PEX5L: variants seen among roughly 807,000 people sequenced by gnomAD.
The protein encoded by PEX5L is peroxisomal biogenesis factor 5 like.
In PEX5L, 30 loss-of-function variants were observed where a neutral mutation model predicts 84.0. The observed-to-expected ratio is 0.36, with a 90% CI of 0.27 to 0.48. PEX5L has a LOEUF of 0.48. Among genes scored for constraint, PEX5L ranks in the 20% least tolerant of loss-of-function variants. PEX5L has a pLI of 0.99. For synonymous variants in PEX5L, 270 were observed against 283.1 expected (o/e 0.95, Z 0.46); for missense variants, 533 against 754.6 (o/e 0.71, Z 3.44).
At chr3:179,807,622 C>T (rs1721874378) in intron 14 of PEX5L, 52 bp downstream of exon 14, 20 of 1,544,428 alleles carry the variant, frequency 1.3e-5, no homozygotes, top group Admixed American at 1.8e-5. Context: ...TCAGATTATT[C>T]GACCTCAGTC....
chr3:179,885,027 TATA>T (rs1755358895), intron 4 of PEX5L, among the ~76,000 whole-genome samples: 1 of 151,956 alleles, frequency 6.6e-6, no homozygotes, highest in African/African-American at 2.4e-5. Flanking sequence ...ATTAAAAATA[TATA>T]ATATTTTTGC....
At chr3:179,821,166 T>A (rs983933688) in intron 8 of PEX5L, among the ~76,000 whole-genome samples, 1 of 152,188 alleles carries the variant, frequency 6.6e-6, no homozygotes, top group East Asian at 1.9e-4. Context: ...CCTTCCATAT[T>A]TCATATTTCA....
chr3:179,917,510 C>T (rs1767632894), intron 2 of PEX5L, among the ~76,000 whole-genome samples: 1 of 152,186 alleles, frequency 6.6e-6, no homozygotes, highest in South Asian at 2.1e-4. Flanking sequence ...AATTTGTCTT[C>T]ACCGGCATCA....
rs1232599251 is a variant in PEX5L at position 179,870,304 on chromosome 3, C to T, written c.726+4023G>A. Among the ~76,000 whole-genome samples the T allele has an allele frequency of 5.9e-5, 9 of 152,096 alleles. No homozygotes were observed. The East Asian group carries it at 1.7e-3, about 29-fold the overall frequency. On this transcript the variant is annotated intron_variant, in intron 7 of 14. Transcript: ENST00000467460. ...GAATTCCAGCAACCAGTTTGAAGAC[C>T]CCCACAGATGAATGGGATCAGCATG... is the stretch of plus-strand genomic sequence containing the variant.
chr3:179,961,287 T>C, intron 2 of PEX5L, among the ~76,000 whole-genome samples: 1 of 151,376 alleles, frequency 6.6e-6, no homozygotes, highest in Non-Finnish European at 1.5e-5. Flanking sequence ...GGGTAAACCA[T>C]GTGAAAAATT....
chr3:179,883,238 CAT>C lies in PEX5L; in HGVS notation c.311-3117_311-3116del, dbSNP rs1488824406. Among the ~76,000 whole-genome samples the C allele has an allele frequency of 2.6e-5, 4 of 152,244 alleles. No individual in the cohort carries two copies. In the East Asian group the frequency reaches 7.7e-4, roughly 29 times the overall value. Reference sequence around the variant, plus strand: ...ATATGCAGACTTTTCTCATGGACCACATGTCAGTCACCACTCACAGCTTCATA... The same window carrying C: ...ATATGCAGACTTTTCTCATGGACCACGTCAGTCACCACTCACAGCTTCATA... On this transcript the variant is annotated intron_variant, in intron 4 of 14. Transcript: ENST00000467460.
chr3:179,848,944 T>A (rs1347070288), intron 8 of PEX5L, among the ~76,000 whole-genome samples: 1 of 152,180 alleles, frequency 6.6e-6, no homozygotes, highest in Non-Finnish European at 1.5e-5. Flanking sequence ...GGAGCAAGAA[T>A]TGAACATGCA....
At chr3:179,805,144 GTCTT>G (rs72206317) in intron 14 of PEX5L, among the ~76,000 whole-genome samples, 4,632 of 133,132 alleles carry the variant, frequency 0.035, 96 homozygotes, top group Non-Finnish European at 0.055. Flanking sequence ...TCACTCGATG[GTCTT>G]TTTTTTTTTT....
chr3:179,887,758 T>C lies in PEX5L; in HGVS notation c.225A>G (p.Arg75=), dbSNP rs771211382. ...CATCGATGGAGGGACTCAGGAGGGG[T>C]CTGCTTTCTTGTTGCTCATTCACCA... ...SQLVNEQQES[R]PLLSPSIDDF... Residue 75 remains arginine, a synonymous_variant, in exon 4 of 15, where the codon AGA becomes AGG. Transcript: ENST00000467460. 1 of 1,613,684 alleles carries C rather than the reference T, an allele frequency of 6.2e-7. No homozygotes were observed. Among genetic ancestry groups the C allele is most frequent in the Non-Finnish European group, 8.5e-7 (1 of 1,179,732 alleles).
At chr3:179,932,233 T>C (rs1417886873) in intron 2 of PEX5L, among the ~76,000 whole-genome samples, 1 of 152,086 alleles carries the variant, frequency 6.6e-6, no homozygotes, top group Non-Finnish European at 1.5e-5. Context: ...ACCTCAGGTA[T>C]AGTATAGTCC....
At chr3:179,895,256 C>G (rs1206026106) in intron 3 of PEX5L, among the ~76,000 whole-genome samples, 5 of 151,980 alleles carry the variant, frequency 3.3e-5, no homozygotes, top group Non-Finnish European at 7.4e-5. Flanking sequence ...TTTTTGATTA[C>G]TCTCTGAAAT....
Position 179,898,166 on chromosome 3 carries a change from C to T in PEX5L, c.174G>A (p.Lys58=). 6.2e-7 allele frequency: 1 copy of T among 1,612,902 alleles called. No homozygotes were observed. Among genetic ancestry groups the T allele is most frequent in the Non-Finnish European group, 8.5e-7 (1 of 1,179,100 alleles). The change falls in exon 3 of 15, where the codon AAG becomes AAA. Residue 58 remains lysine (K), a synonymous_variant. Transcript: ENST00000467460. ...CCTGTGATGTCATAGTAAGGAGGGG[C>T]TTTTCTTCAGCAGACTCCTCCCTCG... ...EIPREESAEE[K]PLLTMTSQLV... is the part of the protein sequence containing the mutation.
intron 7 of PEX5L, among the ~76,000 whole-genome samples, chr3:179,867,239 T>C (rs1748660692): frequency 6.6e-6 from 1 of 152,068 alleles, no homozygotes; most frequent in South Asian, 2.1e-4. Flanking sequence ...CTAAAAACTA[T>C]TATTGAAACT....
At position 179,809,794 on chromosome 3, in the gene PEX5L, A is replaced by G. The variant is rs1723022045; in HGVS notation, c.1155-126T>C. ...AGCATTGGTAAGCTTGCTTATGTCA[A>G]GTTCCTGGAAAGCACCATATTTATC... is the stretch of plus-strand genomic sequence containing the variant. On this transcript the variant is annotated intron_variant, in intron 11 of 14. Coordinates refer to ENST00000467460, the MANE Select transcript of PEX5L (RefSeq NM_016559.3). 9 of 666,280 alleles carry G rather than the reference A, an allele frequency of 1.4e-5. No individual in the cohort carries two copies. In the South Asian group the frequency reaches 1.8e-4, roughly 13 times the overall value. The allele number at this position is 666,280 out of a possible 1,614,324, so 41.3% of individuals were successfully genotyped here.
chr3:179,966,871 T>C (rs866267774), intron 2 of PEX5L, among the ~76,000 whole-genome samples: 3 of 152,296 alleles, frequency 2.0e-5, no homozygotes, highest in Middle Eastern at 3.4e-3. Context: ...TGAGTATGTG[T>C]TGTCTCTTCC....
rs1722799091 is a variant in PEX5L at position 179,809,334 on chromosome 3, T to A, written c.1352+137A>T. On this transcript the variant is annotated intron_variant, in intron 12 of 14. Transcript: ENST00000467460. ...CATTAATCTTTCTAACGAGTGATGC[T>A]CCTCCAGCAGAATACTGTCCTGCAA... The A allele has an allele frequency of 4.4e-5, 29 of 659,910 alleles. 1 individual carries two copies. The South Asian group carries it at 5.2e-4, about 12-fold the overall frequency. The allele number at this position is 659,910 out of a possible 1,614,324, so 40.9% of individuals were successfully genotyped here. A position where few individuals can be genotyped will look rare whatever the true frequency, so the allele number is the denominator to read the frequency against.
At chr3:179,863,283 G>T (rs570397241) in intron 7 of PEX5L, among the ~76,000 whole-genome samples, 2 of 151,250 alleles carry the variant, frequency 1.3e-5, no homozygotes, top group East Asian at 3.9e-4. Flanking sequence ...TCTGGGCAAA[G>T]AATTTTAAAA....
intron 4 of PEX5L, among the ~76,000 whole-genome samples, chr3:179,884,917 A>G (rs1011788877): frequency 1.3e-5 from 2 of 152,228 alleles, no homozygotes; most frequent in Non-Finnish European, 2.9e-5. Flanking sequence ...TTTAGGGTTC[A>G]TAGAGAAAAA....
chr3:179,993,001 T>C (rs1787528513), intron 1 of PEX5L, among the ~76,000 whole-genome samples: 1 of 152,014 alleles, frequency 6.6e-6, no homozygotes, highest in Non-Finnish European at 1.5e-5. Flanking sequence ...TGTATAATCA[T>C]TTTTACTGGG....
Sources: gnomAD v4.1 joint callset for allele counts (sites outside exome capture counted in the v4.1 genomes callset) on GRCh38, gnomAD v4.1.1 for gene constraint, MANE v1.5 for transcripts, NCBI Gene and HGNC (gene_info 2026-07-23, HGNC 2026-07-21) for gene names.